PCDHGA3: variants seen among roughly 807,000 people sequenced by gnomAD.
The protein encoded by PCDHGA3 is protocadherin gamma-A3.
In PCDHGA3, 40 loss-of-function variants were observed where a neutral mutation model predicts 58.5. That is an observed-to-expected ratio of 0.68 (90% CI 0.53 to 0.89). The LOEUF (loss-of-function observed/expected upper bound fraction) is 0.89, where lower values mean the gene tolerates loss of function less well. Among genes scored for constraint, PCDHGA3 ranks in the 40% least tolerant of loss-of-function variants. PCDHGA3 has a pLI of 0.00. For synonymous variants in PCDHGA3, 530 were observed against 525.7 expected, an observed-to-expected ratio of 1.01 and a Z score of -0.11; for missense variants, 1,223 against 1,195.9, an observed-to-expected ratio of 1.02 and a Z score of -0.33.
At chr5:141,459,136 T>C (rs1044347522) in intron 1 of PCDHGA3, among the ~76,000 whole-genome samples, 2 of 152,224 alleles carry the variant, frequency 1.3e-5, no homozygotes, top group Non-Finnish European at 2.9e-5. Context: ...GTAACCACCA[T>C]GCAATCAAAA....
intron 1 of PCDHGA3, chr5:141,479,772 G>A (rs904607838): frequency 1.3e-5 from 2 of 152,192 alleles, no homozygotes; most frequent in Non-Finnish European, 2.9e-5. Flanking sequence ...CATATCCTTA[G>A]ACAGGTAAAG....
chr5:141,427,776 G>A (rs3828681), intron 1 of PCDHGA3: 73,622 of 1,424,156 alleles, frequency 0.052, 2,339 homozygotes, highest in African/African-American at 0.13. Flanking sequence ...GGAGCTGCGG[G>A]CACTGTCGTC....
At position 141,491,725 on chromosome 5, in the gene PCDHGA3, G is replaced by A. The variant is rs1008933711; in HGVS notation, c.2425-3082G>A. The A allele has an allele frequency of 6.2e-7, 1 of 1,606,496 alleles. No homozygotes were observed. The highest frequency in any genetic ancestry group is 1.3e-5 in the African/African-American group (1 of 74,728). On this transcript the variant is annotated intron_variant, in intron 1 of 3. Coordinates refer to ENST00000253812, the MANE Select transcript of PCDHGA3 (RefSeq NM_018916.4). The surrounding 1 kb of genome is among the most constrained non-coding windows in gnomAD (Gnocchi z 6.9). ...GGTGAGGGGCTCGGCGCCGCCCCGGGCGACCCCTGGGGGCGGCACTGGAGA... is the reference window on the plus strand; with the variant it reads ...GGTGAGGGGCTCGGCGCCGCCCCGGACGACCCCTGGGGGCGGCACTGGAGA...
At chr5:141,365,734 T>G (rs145748099) in intron 1 of PCDHGA3, 1 of 1,613,550 alleles carries the variant, frequency 6.2e-7, no homozygotes, top group South Asian at 1.1e-5. Flanking sequence ...ATCCCAGAGG[T>G]GTCTCTATCT....
At chr5:141,507,797 C>A (rs933921827) in intron 3 of PCDHGA3, among the ~76,000 whole-genome samples, 1 of 152,240 alleles carries the variant, frequency 6.6e-6, no homozygotes, top group Admixed American at 6.5e-5. Context: ...TCTAAGCCTG[C>A]GCCCTGGGGA....
At position 141,487,565 on chromosome 5, in the gene PCDHGA3, G is replaced by A. The variant is rs1473034794; in HGVS notation, c.2425-7242G>A. ...GTCACCCAGTGCACCTATGGCAGGGGAGCCTGTTCGCCCAAGCTGCCCACC... is the reference window on the plus strand; with the variant it reads ...GTCACCCAGTGCACCTATGGCAGGGAAGCCTGTTCGCCCAAGCTGCCCACC... On this transcript the variant is annotated intron_variant, in intron 1 of 3. Transcript: ENST00000253812. This position sits in a 1 kb window ranked among gnomAD's most constrained non-coding sequence, Gnocchi z 5.0. The A allele has an allele frequency of 6.2e-7, 1 of 1,614,164 alleles. No individual in the cohort carries two copies. Among genetic ancestry groups the A allele is most frequent in the East Asian group, 2.2e-5 (1 of 44,856 alleles).
chr5:141,360,175 C>T (rs1761457056), intron 1 of PCDHGA3: 1 of 1,609,628 alleles, frequency 6.2e-7, no homozygotes, highest in Non-Finnish European at 8.5e-7. Context: ...GGTGCGGTGG[C>T]TGCAGGTACT....
At position 141,431,735 on chromosome 5, in the gene PCDHGA3, G is replaced by A. The variant is rs2097411908; in HGVS notation, c.2425-63072G>A. 1.2e-6 allele frequency: 2 copies of A among 1,614,118 alleles called. No homozygotes were observed. Among genetic ancestry groups the A allele is most frequent in the Non-Finnish European group, 1.7e-6 (2 of 1,180,056 alleles). On this transcript the variant is annotated intron_variant, in intron 1 of 3. Transcript: ENST00000253812. The surrounding 1 kb of genome is among the most constrained non-coding windows in gnomAD (Gnocchi z 4.8). ...GGAAGTGCAAGCAATGGATAATGCAGGATATTCTGCGCGAGCCAAAGTCCT... is the reference window on the plus strand; with the variant it reads ...GGAAGTGCAAGCAATGGATAATGCAAGATATTCTGCGCGAGCCAAAGTCCT...
In PCDHGA3 at chr5:141,511,335, A is replaced by T; in HGVS notation, c.*162A>T. 7.0e-7 allele frequency: 1 copy of T among 1,438,820 alleles called. No homozygotes were observed. The highest frequency in any genetic ancestry group is 9.2e-7 in the Non-Finnish European group (1 of 1,083,596). The allele number at this position is 1,438,820 out of a possible 1,614,324, so 89.1% of individuals were successfully genotyped here. A position where few individuals can be genotyped will look rare whatever the true frequency, so the allele number is the denominator to read the frequency against. On this transcript the variant is annotated 3_prime_UTR_variant, in exon 4 of 4. Coordinates refer to ENST00000253812, the MANE Select transcript of PCDHGA3 (RefSeq NM_018916.4). ...AAACAGAAACAAGTGCCCAGTCAGC[A>T]CCTACCCCTTCCCCCCCAGGGGGTT...
rs576318312 is a variant in PCDHGA3, at chr5:141,410,171, A to G, written c.2424+63714A>G. On this transcript the variant is annotated intron_variant, in intron 1 of 3. Coordinates refer to ENST00000253812, the MANE Select transcript of PCDHGA3 (RefSeq NM_018916.4). ...CGGTGGACAGCCGCCACTCTCTGCCACCGCCACGCTTCATCTGGTCTTCGC... is the reference window on the plus strand; with the variant it reads ...CGGTGGACAGCCGCCACTCTCTGCCGCCGCCACGCTTCATCTGGTCTTCGC... 181 of 1,613,780 alleles carry G rather than the reference A, an allele frequency of 1.1e-4. 1 individual carries two copies. The East Asian group carries it at 4.0e-3, about 36-fold the overall frequency.
chr5:141,447,979 G>A (rs888759756), intron 1 of PCDHGA3, among the ~76,000 whole-genome samples: 15 of 151,814 alleles, frequency 9.9e-5, no homozygotes, highest in Admixed American at 5.9e-4. Context: ...CCAGCTACTC[G>A]GGAGGCTGAG....
At position 141,375,547 on chromosome 5, in the gene PCDHGA3, C is replaced by T. The variant is rs1261585486; in HGVS notation, c.2424+29090C>T. ...ACGTGGACCAGAACGCCCAAGTCTC[C>T]TACTCACTGGCAGAAGACACCCTCC... is the stretch of plus-strand genomic sequence containing the variant. On this transcript the variant is annotated intron_variant, in intron 1 of 3. Coordinates refer to ENST00000253812, the MANE Select transcript of PCDHGA3 (RefSeq NM_018916.4). 6 of 1,613,922 alleles carry T rather than the reference C, an allele frequency of 3.7e-6. No individual in the cohort carries two copies. In the African/African-American group the frequency reaches 8.0e-5, roughly 22 times the overall value.
At position 141,505,504 on chromosome 5, in the gene PCDHGA3, T is replaced by C. The variant is rs756583857; in HGVS notation, c.2572+23T>C. The C allele has an allele frequency of 9.3e-6, 15 of 1,614,020 alleles. No individual in the cohort carries two copies. The African/African-American group carries it at 1.2e-4, about 13-fold the overall frequency. ...GTGGTAAGTGGTGTCAGTGTGTGTA[T>C]GGAAGAGTGGGAGACCTGGGGTTCT... On this transcript the variant is annotated intron_variant, in intron 3 of 3. Transcript: ENST00000253812.
At position 141,422,391 on chromosome 5, in the gene PCDHGA3, T is replaced by A. The variant is rs1036823508; in HGVS notation, c.2425-72416T>A. On this transcript the variant is annotated intron_variant, in intron 1 of 3. Transcript: ENST00000253812. ...ATGGTCAAGTCTCCTGTTTTATTCCTAACCACCTGCCTTTTAAATTAGAAA... is the reference window on the plus strand; with the variant it reads ...ATGGTCAAGTCTCCTGTTTTATTCCAAACCACCTGCCTTTTAAATTAGAAA... 2.5e-6 allele frequency: 4 copies of A among 1,591,932 alleles called. No individual in the cohort carries two copies. The African/African-American group carries it at 4.1e-5, about 16-fold the overall frequency.
intron 1 of PCDHGA3, chr5:141,402,792 A>G (rs947158745): frequency 1.4e-5 from 14 of 1,008,956 alleles, no homozygotes; most frequent in Admixed American, 3.1e-5. Flanking sequence ...CTGCGGCTAC[A>G]CAAAACCCGG....
At position 141,486,811 on chromosome 5, in the gene PCDHGA3, C is replaced by A. The variant is rs2099635196; in HGVS notation, c.2425-7996C>A. On this transcript the variant is annotated intron_variant, in intron 1 of 3. Coordinates refer to ENST00000253812, the MANE Select transcript of PCDHGA3 (RefSeq NM_018916.4). The surrounding 1 kb of genome is among the most constrained non-coding windows in gnomAD (Gnocchi z 5.0). ...GGGATCGGGGCAACCCACCCCTTAG[C>A]AGCACTGTAACAGTTCGTCTATTTG... The A allele has an allele frequency of 1.2e-6, 2 of 1,614,124 alleles. No homozygotes were observed. The highest frequency in any genetic ancestry group is 2.2e-5 in the East Asian group (1 of 44,900).
chr5:141,507,937 A>T (rs2154594220), intron 3 of PCDHGA3: 1 of 152,420 alleles, frequency 6.6e-6, no homozygotes, highest in Admixed American at 6.5e-5. Context: ...AGAGGGGTTA[A>T]GTAAGAGGGA....
Position 141,371,905 on chromosome 5 carries a change from A to C in PCDHGA3, c.2424+25448A>C, listed in dbSNP as rs768388601. 6 of 1,613,358 alleles carry C rather than the reference A, an allele frequency of 3.7e-6. No homozygotes were observed. In the South Asian group the frequency reaches 6.6e-5, roughly 18 times the overall value. On this transcript the variant is annotated intron_variant, in intron 1 of 3. Coordinates refer to ENST00000253812, the MANE Select transcript of PCDHGA3 (RefSeq NM_018916.4). ...CTGGAGCCGCGGGAGCTGTCGTCCTACGTGTCCGTGAGCGCGCGGAGCGGG... is the reference window on the plus strand; with the variant it reads ...CTGGAGCCGCGGGAGCTGTCGTCCTCCGTGTCCGTGAGCGCGCGGAGCGGG...
rs960036450 is a variant in PCDHGA3 at position 141,352,784 on chromosome 5, G to A, written c.2424+6327G>A. 1.8e-5 allele frequency: 19 copies of A among 1,081,118 alleles called. No homozygotes were observed. In the African/African-American group the frequency reaches 2.8e-4, roughly 16 times the overall value. The allele number at this position is 1,081,118 out of a possible 1,614,324, so 67.0% of individuals were successfully genotyped here. A position where few individuals can be genotyped will look rare whatever the true frequency, so the allele number is the denominator to read the frequency against. Reference sequence around the variant, plus strand: ...GCAGGTGGATCACTTGAGGTCAGGAGTTTGAGACCAGCATAGCCAAGATGG... The same window carrying A: ...GCAGGTGGATCACTTGAGGTCAGGAATTTGAGACCAGCATAGCCAAGATGG... On this transcript the variant is annotated intron_variant, in intron 1 of 3. Coordinates refer to ENST00000253812, the MANE Select transcript of PCDHGA3 (RefSeq NM_018916.4).
Sources: gnomAD v4.1 joint callset for allele counts (sites outside exome capture counted in the v4.1 genomes callset) on GRCh38, gnomAD v4.1.1 for gene constraint, Gnocchi (gnomAD v3.1) non-coding constraint, MANE v1.5 for transcripts, NCBI Gene and HGNC (gene_info 2026-07-23, HGNC 2026-07-21) for gene names.